Variants in ANKRD55 observed in about 807,000 individuals in gnomAD.
ANKRD55 encodes the protein ankyrin repeat domain-containing protein 55.
ANKRD55 carries 41 observed loss-of-function variants against 60.6 expected under a neutral mutation model. That is an observed-to-expected ratio of 0.68 (90% CI 0.53 to 0.88). The LOEUF (loss-of-function observed/expected upper bound fraction) is 0.88, where lower values mean the gene tolerates loss of function less well. Among genes scored for constraint, ANKRD55 ranks in the 40% least tolerant of loss-of-function variants. ANKRD55 has a pLI of 0.00. For missense variants in ANKRD55, 732 were observed against 767.6 expected, an observed-to-expected ratio of 0.95 and a Z score of 0.55; for synonymous variants, 264 against 290.3, an observed-to-expected ratio of 0.91 and a Z score of 0.92.
intron 6 of ANKRD55, among the ~76,000 whole-genome samples, chr5:56,159,088 TC>T (rs1159365260): frequency 6.6e-6 from 1 of 152,140 alleles, no homozygotes; most frequent in African/African-American, 2.4e-5. Flanking sequence ...GCTCAAGTGA[TC>T]CTCCCACCTC....
At chr5:56,206,504 C>A (rs1174803292) in intron 2 of ANKRD55, among the ~76,000 whole-genome samples, 1 of 152,166 alleles carries the variant, frequency 6.6e-6, no homozygotes, top group Non-Finnish European at 1.5e-5. Context: ...GATGGGTTTG[C>A]ATCCTACCCC....
At chr5:56,101,270 ATC>A (rs1756263928) in intron 11 of ANKRD55, among the ~76,000 whole-genome samples, 1 of 152,166 alleles carries the variant, frequency 6.6e-6, no homozygotes, top group African/African-American at 2.4e-5. Flanking sequence ...ACTCCGATAA[ATC>A]TTATTAGAAT....
intron 8 of ANKRD55, among the ~76,000 whole-genome samples, chr5:56,120,825 G>A (rs1375138699): frequency 1.3e-5 from 2 of 151,834 alleles, no homozygotes; most frequent in Non-Finnish European, 2.9e-5. Flanking sequence ...CTTGAACCTG[G>A]GAGGCAGAGG....
At chr5:56,232,307 T>C (rs543451034) in intron 2 of ANKRD55, among the ~76,000 whole-genome samples, 7 of 152,224 alleles carry the variant, frequency 4.6e-5, no homozygotes, top group Non-Finnish European at 8.8e-5. Context: ...TTGCAAATAA[T>C]AGCATAGGGA....
chr5:56,206,276 C>T lies in ANKRD55; in HGVS notation c.59-22642G>A, dbSNP rs144877809. 3.9e-3 allele frequency among the ~76,000 whole-genome samples: 592 copies of T among 152,266 alleles called. 3 individuals carry two copies. Among genetic ancestry groups the T allele is most frequent in the African/African-American group, 0.012 (505 of 41,550 alleles). ...ACAAGCATGAGCCACCGCTTCTGGCCTCAATGATGCATTTCCACATTCCTT... is the reference window on the plus strand; with the variant it reads ...ACAAGCATGAGCCACCGCTTCTGGCTTCAATGATGCATTTCCACATTCCTT... On this transcript the variant is annotated intron_variant, in intron 2 of 11. Transcript: ENST00000341048.
At chr5:56,147,877 T>G (rs1334526189) in intron 6 of ANKRD55, among the ~76,000 whole-genome samples, 1 of 152,202 alleles carries the variant, frequency 6.6e-6, no homozygotes, top group Non-Finnish European at 1.5e-5. Context: ...TGCTTCCTTC[T>G]CCTTTCTTCT....
intron 8 of ANKRD55, among the ~76,000 whole-genome samples, chr5:56,122,310 G>A (rs551036247): frequency 1.1e-4 from 16 of 152,172 alleles, no homozygotes; most frequent in East Asian, 5.8e-4. Flanking sequence ...GGAAAATACT[G>A]TGAAAAGGTA....
chr5:56,118,107 C>T (rs540296462), intron 8 of ANKRD55, among the ~76,000 whole-genome samples: 7 of 152,000 alleles, frequency 4.6e-5, no homozygotes, highest in African/African-American at 1.7e-4. Flanking sequence ...CATACCACTG[C>T]ACTCCATCAT....
chr5:56,135,290 G>GCCTGCCTGCCTGCTTTCTTT lies in ANKRD55; in HGVS notation c.613-8185_613-8184insAAAGAAAGCAGGCAGGCAGG, dbSNP rs1554038504. 4.3e-5 allele frequency among the ~76,000 whole-genome samples: 3 copies of GCCTGCCTGCCTGCTTTCTTT among 69,330 alleles called. No individual in the cohort carries two copies. The East Asian group carries it at 1.3e-3, about 30-fold the overall frequency. The allele number at this position is 69,330 out of a possible 152,430, so 45.5% of individuals were successfully genotyped here. The stretch of plus-strand genomic sequence containing the variant: ...TCCCTCCCTCCCTCCCTGCCTGCCT[G>GCCTGCCTGCCTGCTTTCTTT]CTTGCTTTCTTTCTTTCTTTCTTTC... On this transcript the variant is annotated intron_variant, in intron 7 of 11. Transcript: ENST00000341048.
intron 5 of ANKRD55, chr5:56,162,158 G>T: frequency 1.1e-5 from 4 of 374,374 alleles, no homozygotes; most frequent in Non-Finnish European, 1.5e-5. Context: ...AGCAGACAGA[G>T]ATTATCTGTA....
At chr5:56,192,720 A>T in intron 2 of ANKRD55, 5 of 1,369,182 alleles carry the variant, frequency 3.7e-6, no homozygotes, top group Non-Finnish European at 5.1e-6. Flanking sequence ...GGACAGAATC[A>T]TCTAGGAGGA....
At chr5:56,217,354 A>G (rs1483276400) in intron 2 of ANKRD55, among the ~76,000 whole-genome samples, 1 of 152,226 alleles carries the variant, frequency 6.6e-6, no homozygotes, top group Non-Finnish European at 1.5e-5. Flanking sequence ...GAGATGTACA[A>G]GGAGATTAAT....
In ANKRD55 at chr5:56,214,384, G is replaced by C. The variant is rs192722617; in HGVS notation, c.58+18472C>G. 2.5e-3 allele frequency among the ~76,000 whole-genome samples: 383 copies of C among 152,250 alleles called. 4 individuals carry two copies. The highest frequency in any genetic ancestry group is 8.7e-3 in the African/African-American group (363 of 41,534). On this transcript the variant is annotated intron_variant, in intron 2 of 11. Coordinates refer to ENST00000341048, the MANE Select transcript of ANKRD55 (RefSeq NM_024669.3). ...CTTACTAAGTGATTCTGTGGGCCCGGCGTGGTGCCAGGTACTTTGTATGCA... is the reference window on the plus strand; with the variant it reads ...CTTACTAAGTGATTCTGTGGGCCCGCCGTGGTGCCAGGTACTTTGTATGCA...
intron 6 of ANKRD55, among the ~76,000 whole-genome samples, chr5:56,147,853 C>T (rs1757937221): frequency 2.0e-5 from 3 of 152,160 alleles, no homozygotes; most frequent in South Asian, 4.1e-4. Context: ...TATTTAGGAA[C>T]ATTTTCCTAC....
chr5:56,217,564 A>T (rs986017148), intron 2 of ANKRD55, among the ~76,000 whole-genome samples: 1 of 152,164 alleles, frequency 6.6e-6, no homozygotes, highest in Non-Finnish European at 1.5e-5. Flanking sequence ...ATAAAAAAAA[A>T]TAAGAAAAAC....
intron 2 of ANKRD55, among the ~76,000 whole-genome samples, chr5:56,199,659 G>A (rs1759313900): frequency 6.6e-6 from 1 of 151,886 alleles, no homozygotes; most frequent in South Asian, 2.1e-4. Flanking sequence ...GGGAGGCCGA[G>A]GTGGGCGGAT....
intron 10 of ANKRD55, among the ~76,000 whole-genome samples, chr5:56,106,746 C>T (rs140429127): frequency 2.0e-5 from 3 of 151,942 alleles, no homozygotes; most frequent in African/African-American, 7.3e-5. Flanking sequence ...TGGCTCATAT[C>T]TATAATGCCA....
At chr5:56,187,235 C>T (rs1368534707) in intron 2 of ANKRD55, among the ~76,000 whole-genome samples, 1 of 152,234 alleles carries the variant, frequency 6.6e-6, no homozygotes, top group Non-Finnish European at 1.5e-5. Context: ...AAGGTGACTG[C>T]ATCCACCTTT....
Position 56,220,876 on chromosome 5 carries a change from G to A in ANKRD55, c.58+11980C>T, listed in dbSNP as rs1294872414. Among the ~76,000 whole-genome samples the A allele has an allele frequency of 2.0e-5, 3 of 152,146 alleles. No individual in the cohort carries two copies. In the East Asian group the frequency reaches 5.8e-4, roughly 29 times the overall value. On this transcript the variant is annotated intron_variant, in intron 2 of 11. Transcript: ENST00000341048. ...AAACATGCTTGCCTAGACTTGTTCA[G>A]GAGTGGTCAAGAACAGGAAAAAAAG... is the stretch of plus-strand genomic sequence containing the variant.
Sources: gnomAD v4.1 joint callset for allele counts (sites outside exome capture counted in the v4.1 genomes callset) on GRCh38, gnomAD v4.1.1 for gene constraint, MANE v1.5 for transcripts, NCBI Gene and HGNC (gene_info 2026-07-23, HGNC 2026-07-21) for gene names.